TENM3: variants seen among roughly 807,000 people sequenced by gnomAD.
TENM3 encodes teneurin-3.
A neutral mutation model predicts 255.1 loss-of-function variants in TENM3; 63 were observed. The ratio of observed to expected loss-of-function variants is 0.25; its 90% confidence interval spans 0.20 to 0.30. The LOEUF (loss-of-function observed/expected upper bound fraction) is 0.30, where lower values mean the gene tolerates loss of function less well. Ranked by LOEUF, TENM3 falls within the 10% of genes least tolerant of loss-of-function variation. TENM3 has a pLI of 1.00. For synonymous variants in TENM3, 1,306 were observed against 1,322.3 expected, an observed-to-expected ratio of 0.99 and a Z score of 0.27; for missense variants, 2,929 against 3,461.1, an observed-to-expected ratio of 0.85 and a Z score of 3.86.
chr4:181,809,193 G>GAAAC, the TENM3 span, among the ~76,000 whole-genome samples: 1 of 152,172 alleles, frequency 6.6e-6, no homozygotes, highest in South Asian at 2.1e-4. Context: ...AGATGGGCTG[G>GAAAC]AAACAAACAT....
Position 182,775,142 on chromosome 4 carries a change from C to T in TENM3, c.5293C>T (p.Arg1765Cys), listed in dbSNP as rs202197673. Residue 1765 changes from arginine to cysteine, a missense_variant, in exon 24 of 28, where the codon CGC (arginine) becomes TGC (cysteine). Arg to Cys is a radical substitution (Grantham distance 180). This residue lies in a region of TENM3 where 303 missense variants were observed against 425.2 expected (regional missense o/e 0.71). Transcript: ENST00000511685. Reference protein sequence around the residue: ...QAQGKVNVFGRKLRVNGRNLL... With the variant: ...QAQGKVNVFGCKLRVNGRNLL... ...CCAAGGGAAAGTCAATGTCTTTGGC[C>T]GCAAGCTCAGGGTACGTACGTGTTG... The T allele has an allele frequency of 1.2e-4, 198 of 1,613,782 alleles. No individual in the cohort carries two copies. The highest frequency in any genetic ancestry group is 1.5e-4 in the Non-Finnish European group (175 of 1,179,856).
chr4:181,577,919 C>T, the TENM3 span, among the ~76,000 whole-genome samples: 1 of 151,898 alleles, frequency 6.6e-6, no homozygotes, highest in Non-Finnish European at 1.5e-5. Flanking sequence ...CTTTTTCTAC[C>T]CTCCACCCTT....
chr4:181,641,840 A>ATG, the TENM3 span, among the ~76,000 whole-genome samples: 1 of 119,852 alleles, frequency 8.3e-6, no homozygotes, highest in African/African-American at 3.3e-5. Context: ...ATATATATAT[A>ATG]TATGCCACAT....
chr4:182,031,199 A>T, the TENM3 span, among the ~76,000 whole-genome samples: 2 of 152,176 alleles, frequency 1.3e-5, no homozygotes, highest in African/African-American at 4.8e-5. Flanking sequence ...TTTCCATTTA[A>T]GTCTTTAATG....
At chr4:182,478,723 A>C (rs9654295) in intron 3 of TENM3, among the ~76,000 whole-genome samples, 8 of 152,148 alleles carry the variant, frequency 5.3e-5, no homozygotes, top group African/African-American at 1.9e-4. Flanking sequence ...CTGCTCTTCA[A>C]CCAGAAAGGA....
At chr4:182,346,977 C>T in intron 3 of TENM3, 48 bp downstream of exon 3, 1 of 1,388,746 alleles carries the variant, frequency 7.2e-7, no homozygotes, top group Non-Finnish European at 9.5e-7. Context: ...GTGCTTCTGT[C>T]TGTTTTGGTT....
the TENM3 span, among the ~76,000 whole-genome samples, chr4:181,494,824 TC>T: frequency 6.6e-6 from 1 of 152,166 alleles, no homozygotes; most frequent in African/African-American, 2.4e-5. Context: ...CATGTTAATT[TC>T]CCCAATTAAA....
chr4:182,513,952 C>T (rs1199369788), intron 3 of TENM3, among the ~76,000 whole-genome samples: 1 of 152,206 alleles, frequency 6.6e-6, no homozygotes, highest in Admixed American at 6.5e-5. Context: ...AATCCTAATG[C>T]TTTTTACTCT....
intron 4 of TENM3, among the ~76,000 whole-genome samples, chr4:182,623,935 A>T (rs938888393): frequency 2.0e-5 from 3 of 152,118 alleles, no homozygotes; most frequent in Non-Finnish European, 4.4e-5. Flanking sequence ...CAGGCACAGG[A>T]ATCTCTGCGA....
chr4:182,234,506 G>A (rs1756774760), intron 1 of TENM3, among the ~76,000 whole-genome samples: 1 of 152,186 alleles, frequency 6.6e-6, no homozygotes, highest in Non-Finnish European at 1.5e-5. Flanking sequence ...GCCAAGGTGG[G>A]TGGATCATTT....
At chr4:181,587,093 C>G in the TENM3 span, among the ~76,000 whole-genome samples, 2 of 152,172 alleles carry the variant, frequency 1.3e-5, no homozygotes, top group African/African-American at 4.8e-5. Flanking sequence ...AACCAACAAA[C>G]CATACTTTTT....
intron 3 of TENM3, among the ~76,000 whole-genome samples, chr4:182,469,695 C>CA (rs1159283272): frequency 6.9e-6 from 1 of 143,944 alleles, no homozygotes; most frequent in Non-Finnish European, 1.5e-5. Context: ...GCTTGGGCAA[C>CA]AGAGCGAGAC....
At chr4:182,549,807 A>G (rs1330409140) in intron 3 of TENM3, among the ~76,000 whole-genome samples, 1 of 152,234 alleles carries the variant, frequency 6.6e-6, no homozygotes, top group Non-Finnish European at 1.5e-5. Flanking sequence ...GGCATTAAGG[A>G]CAGATAGAAT....
chr4:182,009,616 G>C, the TENM3 span, among the ~76,000 whole-genome samples: 4 of 152,150 alleles, frequency 2.6e-5, no homozygotes, highest in East Asian at 7.7e-4. Context: ...TATAGAAATG[G>C]GTGCTGCCCT....
intron 12 of TENM3, among the ~76,000 whole-genome samples, chr4:182,707,300 G>T (rs934520977): frequency 1.3e-5 from 2 of 152,056 alleles, no homozygotes; most frequent in Non-Finnish European, 2.9e-5. Flanking sequence ...AGCAGATGAG[G>T]CAACAGCATG....
At chr4:181,930,403 A>G in the TENM3 span, among the ~76,000 whole-genome samples, 2 of 152,196 alleles carry the variant, frequency 1.3e-5, no homozygotes, top group Admixed American at 1.3e-4. Flanking sequence ...AGGCAAATAA[A>G]CTAGAAAATC....
At chr4:181,943,508 G>A in the TENM3 span, among the ~76,000 whole-genome samples, 149 of 152,286 alleles carry the variant, frequency 9.8e-4, 1 homozygote, top group African/African-American at 3.4e-3. Context: ...AGTGATTGTG[G>A]TGGATGAATG....
chr4:181,557,094 C>T, the TENM3 span, among the ~76,000 whole-genome samples: 1 of 152,042 alleles, frequency 6.6e-6, no homozygotes, highest in Non-Finnish European at 1.5e-5. Flanking sequence ...TGCAAATTTG[C>T]AACAGGTATG....
the TENM3 span, among the ~76,000 whole-genome samples, chr4:181,953,779 A>G: frequency 6.6e-6 from 1 of 152,172 alleles, no homozygotes; most frequent in Non-Finnish European, 1.5e-5. Flanking sequence ...TTAATGTTTT[A>G]TTGACATTCA....
Sources: allele counts gnomAD v4.1 joint callset (sites outside exome capture counted in the v4.1 genomes callset), GRCh38; gene constraint gnomAD v4.1.1; regional missense constraint gnomAD v4.1.1; transcripts MANE v1.5; gene names NCBI Gene and HGNC (gene_info 2026-07-23, HGNC 2026-07-21).